The following SLCO3A1 variants were observed in gnomAD, a reference collection of about 807,000 sequenced individuals.
SLCO3A1 encodes solute carrier organic anion transporter family member 3A1.
Under a neutral mutation model 63.1 loss-of-function variants are expected in SLCO3A1, and 27 were observed. That is an observed-to-expected ratio of 0.43 (90% CI 0.32 to 0.59). The LOEUF (loss-of-function observed/expected upper bound fraction) is 0.59, where lower values mean the gene tolerates loss of function less well. Ranked by LOEUF, SLCO3A1 falls within the 20% of genes least tolerant of loss-of-function variation. The pLI, the probability that SLCO3A1 is intolerant of heterozygous loss-of-function variation, is 0.09. For missense variants in SLCO3A1, 773 were observed against 945.8 expected (o/e 0.82, Z 2.40); for synonymous variants, 473 against 409.9 (o/e 1.15, Z -1.86).
chr15:91,926,596 T>TGTGTGTGTGTGTGTGTGTGTGCGC lies in SLCO3A1; in HGVS notation c.646+10139_646+10140insTGTGTGTGTGTGTGTGTGTGCGCG. On this transcript the variant is annotated intron_variant, in intron 2 of 9. Transcript: ENST00000318445. The stretch of plus-strand genomic sequence containing the variant: ...GTGTGTGTGTGTGTGTGTGTGTGTG[T>TGTGTGTGTGTGTGTGTGTGTGCGC]GCGCGCGCGCACGCCCATGCTTATT... 2.1e-3 allele frequency among the ~76,000 whole-genome samples: 219 copies of TGTGTGTGTGTGTGTGTGTGTGCGC among 105,292 alleles called. 4 individuals carry two copies. Among genetic ancestry groups the TGTGTGTGTGTGTGTGTGTGTGCGC allele is most frequent in the African/African-American group, 7.3e-3 (200 of 27,378 alleles). The allele number at this position is 105,292 out of a possible 152,430, so 69.1% of individuals were successfully genotyped here.
chr15:91,923,683 C>G (rs555263517), intron 2 of SLCO3A1, among the ~76,000 whole-genome samples: 1 of 152,234 alleles, frequency 6.6e-6, no homozygotes, highest in East Asian at 1.9e-4. Flanking sequence ...ATAAGAAAAC[C>G]TAAATAATAT....
At chr15:92,172,188 C>T in exon 11 of SLCO3A1, 1 of 237,312 alleles carries the variant, frequency 4.2e-6, no homozygotes, top group Non-Finnish European at 8.1e-6. Context: ...GCTTTAGAAA[C>T]TCCCCTCTTG....
chr15:91,869,697 T>TCAA (rs540183274), intron 1 of SLCO3A1, among the ~76,000 whole-genome samples: 2 of 151,754 alleles, frequency 1.3e-5, no homozygotes, highest in African/African-American at 4.8e-5. Context: ...AGACACTATT[T>TCAA]CAACAACAAC....
intron 2 of SLCO3A1, among the ~76,000 whole-genome samples, chr15:92,076,992 A>G (rs2047285432): frequency 6.6e-6 from 1 of 152,244 alleles, no homozygotes; most frequent in African/African-American, 2.4e-5. Context: ...CTGGGAAAGC[A>G]TCAGGAAACT....
At chr15:92,129,171 C>T (rs1018805866) in intron 7 of SLCO3A1, among the ~76,000 whole-genome samples, 23 of 152,146 alleles carry the variant, frequency 1.5e-4, no homozygotes, top group African/African-American at 5.6e-4. Context: ...TTGCTTGGAC[C>T]CGAGCAGTAG....
chr15:91,972,168 C>T (rs951849924), intron 2 of SLCO3A1, among the ~76,000 whole-genome samples: 2 of 152,122 alleles, frequency 1.3e-5, no homozygotes, highest in South Asian at 2.1e-4. Context: ...TATTGGAAAA[C>T]GTCTACCATA....
intron 2 of SLCO3A1, among the ~76,000 whole-genome samples, chr15:91,978,575 T>C (rs982891266): frequency 6.8e-6 from 1 of 147,154 alleles, no homozygotes; most frequent in African/African-American, 2.4e-5. Context: ...ATGTGTTACT[T>C]TTTTCCCCCC....
At chr15:91,940,903 A>G (rs574946961) in intron 2 of SLCO3A1, among the ~76,000 whole-genome samples, 2 of 152,240 alleles carry the variant, frequency 1.3e-5, no homozygotes, top group Admixed American at 1.3e-4. Flanking sequence ...CCTTGAGAAC[A>G]TTCCACTTGG....
chr15:91,956,911 T>A (rs1278204256), intron 2 of SLCO3A1, among the ~76,000 whole-genome samples: 2 of 116,296 alleles, frequency 1.7e-5, no homozygotes, highest in Non-Finnish European at 3.4e-5. Context: ...TGCCTCAGCC[T>A]CCCAAGGTTG....
intron 2 of SLCO3A1, among the ~76,000 whole-genome samples, chr15:92,073,537 C>CA (rs2047241093): frequency 6.6e-6 from 1 of 152,206 alleles, no homozygotes; most frequent in South Asian, 2.1e-4. Context: ...TACCAAATGA[C>CA]AAGCCATATT....
At chr15:92,169,260 C>A (rs2151609065), downstream of SLCO3A1, among the ~76,000 whole-genome samples, 1 of 152,330 alleles carries the variant, frequency 6.6e-6, no homozygotes, top group African/African-American at 2.4e-5. Flanking sequence ...AGTTGGGATT[C>A]AAACCCAGGT....
chr15:91,925,524 G>A (rs1898983714), intron 2 of SLCO3A1, among the ~76,000 whole-genome samples: 1 of 150,632 alleles, frequency 6.6e-6, no homozygotes, highest in Non-Finnish European at 1.5e-5. Context: ...CATCTTAGGT[G>A]GTTGCTGTGG....
In SLCO3A1 at chr15:91,900,981, T is replaced by C. The variant is rs1898139683; in HGVS notation, c.181-15012T>C. Among the ~76,000 whole-genome samples, 1 of 152,216 alleles carries C rather than the reference T, an allele frequency of 6.6e-6. No individual in the cohort carries two copies. Among genetic ancestry groups the C allele is most frequent in the African/African-American group, 2.4e-5 (1 of 41,454 alleles). On this transcript the variant is annotated intron_variant, in intron 1 of 9. Transcript: ENST00000318445. This position sits in a 1 kb window ranked among gnomAD's most constrained non-coding sequence, Gnocchi z 4.3. ...CGCCTTTCATTTTGTCGATTTTTAC[T>C]TCATGTATTATGGGGCTCTATTCTT...
rs1356750922 is a variant in SLCO3A1, at chr15:92,047,413, T to TATATATAATATATAAATATATATACAA, written c.647-47443_647-47417dup. Among the ~76,000 whole-genome samples the TATATATAATATATAAATATATATACAA allele has an allele frequency of 2.6e-4, 7 of 27,318 alleles. 1 individual carries two copies. The highest frequency in any genetic ancestry group is 5.4e-4 in the African/African-American group (5 of 9,268). 17.9% of individuals were successfully genotyped at this position (27,318 alleles called of 152,430 possible). A position where few individuals can be genotyped will look rare whatever the true frequency, so the allele number is the denominator to read the frequency against. Reference sequence around the variant, plus strand: ...TAATATATAAATATATATACAAATATATATATAATATATAAATATATATAC... The same window carrying TATATATAATATATAAATATATATACAA: ...TAATATATAAATATATATACAAATATATATATAATATATAAATATATATACAAATATATAATATATAAATATATATAC... On this transcript the variant is annotated intron_variant, in intron 2 of 9. Transcript: ENST00000318445.
At chr15:92,104,701 C>T (rs897215151) in intron 4 of SLCO3A1, among the ~76,000 whole-genome samples, 159 bp downstream of exon 4, 1 of 152,084 alleles carries the variant, frequency 6.6e-6, no homozygotes, top group African/African-American at 2.4e-5. Flanking sequence ...AGGTGCTTAA[C>T]TTATTCCTGA....
At chr15:91,913,605 TG>T (rs568652418) in intron 1 of SLCO3A1, among the ~76,000 whole-genome samples, 465 of 152,340 alleles carry the variant, frequency 3.1e-3, no homozygotes, top group African/African-American at 7.9e-3. Context: ...TTTTTTGGTT[TG>T]TTTTTTTAGT....
intron 2 of SLCO3A1, among the ~76,000 whole-genome samples, chr15:91,957,483 C>T (rs1597157071): frequency 1.3e-5 from 2 of 152,012 alleles, no homozygotes; most frequent in Admixed American, 1.3e-4. Flanking sequence ...TTCCTGGTGG[C>T]ATCTTCTTGC....
At chr15:92,127,646 G>C (rs965738296) in intron 6 of SLCO3A1, among the ~76,000 whole-genome samples, 7 of 152,188 alleles carry the variant, frequency 4.6e-5, no homozygotes, top group African/African-American at 1.4e-4. Flanking sequence ...CTCTCTTATA[G>C]AGCTAATACA....
intron 2 of SLCO3A1, among the ~76,000 whole-genome samples, chr15:91,979,540 T>A (rs976724818): frequency 2.6e-5 from 4 of 152,092 alleles, no homozygotes; most frequent in Admixed American, 1.3e-4. Flanking sequence ...TTCTACCTCT[T>A]CCCTAAAGGG....
Sources: allele counts gnomAD v4.1 joint callset (sites outside exome capture counted in the v4.1 genomes callset), GRCh38; gene constraint gnomAD v4.1.1; non-coding constraint Gnocchi (gnomAD v3.1); transcripts MANE v1.5; gene names NCBI Gene and HGNC (gene_info 2026-07-23, HGNC 2026-07-21).